Variants in UVRAG observed in about 807,000 individuals in gnomAD.
UVRAG encodes UV radiation resistance associated, also known as UV radiation resistance-associated gene protein.
Under a neutral mutation model 78.0 loss-of-function variants are expected in UVRAG, and 19 were observed. The ratio of observed to expected loss-of-function variants is 0.24; its 90% CI spans 0.17 to 0.36. UVRAG has a LOEUF of 0.36. Among genes scored for constraint, UVRAG ranks in the 10% least tolerant of loss-of-function variants. The pLI, the probability that UVRAG is intolerant of heterozygous loss-of-function variation, is 1.00. For missense variants in UVRAG, 740 were observed against 853.8 expected (o/e 0.87, Z 1.66); for synonymous variants, 323 against 324.6 (o/e 1.00, Z 0.05).
At chr11:75,844,266 C>T (rs889788245) in intron 1 of UVRAG, among the ~76,000 whole-genome samples, 14 of 151,560 alleles carry the variant, frequency 9.2e-5, no homozygotes, top group East Asian at 5.8e-4. Flanking sequence ...CTCACTCTGT[C>T]GCCCAGGCTG....
At chr11:76,074,430 C>A (rs1473920788) in intron 13 of UVRAG, among the ~76,000 whole-genome samples, 4 of 152,162 alleles carry the variant, frequency 2.6e-5, no homozygotes, top group Non-Finnish European at 4.4e-5. Flanking sequence ...TTCCTTGTTG[C>A]TTTTGTAAGC....
intron 5 of UVRAG, among the ~76,000 whole-genome samples, chr11:75,903,625 CTT>C (rs1266502197): frequency 1.3e-5 from 2 of 152,198 alleles, no homozygotes; most frequent in African/African-American, 4.8e-5. Flanking sequence ...CCCCTGCAGT[CTT>C]TGATGTTCCT....
chr11:76,059,908 T>G (rs1298150386), intron 12 of UVRAG, among the ~76,000 whole-genome samples: 1 of 152,196 alleles, frequency 6.6e-6, no homozygotes, highest in Non-Finnish European at 1.5e-5. Context: ...ATGGCAGAAG[T>G]AATCTTAATA....
At chr11:75,967,059 A>G (rs887965925) in intron 7 of UVRAG, among the ~76,000 whole-genome samples, 2 of 152,174 alleles carry the variant, frequency 1.3e-5, no homozygotes, top group Non-Finnish European at 2.9e-5. Context: ...AGCCACAGAA[A>G]AGGGGAATTT....
At chr11:76,115,833 G>A in intron 13 of UVRAG, 91 bp from the exon 14 acceptor site, 2 of 1,122,088 alleles carry the variant, frequency 1.8e-6, no homozygotes, top group Non-Finnish European at 2.6e-6. Context: ...TCCTCTTTTA[G>A]AGTTCAAAAA....
chr11:76,009,801 CATGTA>C (rs1950017844), intron 11 of UVRAG, among the ~76,000 whole-genome samples: 1 of 152,100 alleles, frequency 6.6e-6, no homozygotes, highest in African/African-American at 2.4e-5. Context: ...CTGTATAAAC[CATGTA>C]ATTTGGAACA....
At chr11:75,938,079 G>GTA (rs1453256885) in intron 6 of UVRAG, among the ~76,000 whole-genome samples, 11 of 148,014 alleles carry the variant, frequency 7.4e-5, no homozygotes, top group African/African-American at 1.6e-4. Flanking sequence ...ATATGTATAT[G>GTA]TATATACACA....
chr11:76,079,027 A>G (rs61894369), intron 13 of UVRAG, among the ~76,000 whole-genome samples: 3,225 of 152,276 alleles, frequency 0.021, 50 homozygotes, highest in Middle Eastern at 0.041. Context: ...CTTCTCATCT[A>G]AAGAATCAAA....
chr11:76,125,217 C>T (rs992871971), intron 14 of UVRAG, among the ~76,000 whole-genome samples: 2 of 152,152 alleles, frequency 1.3e-5, no homozygotes, highest in African/African-American at 4.8e-5. Flanking sequence ...CAGATAGGCT[C>T]GCCTTTGAGA....
intron 8 of UVRAG, among the ~76,000 whole-genome samples, chr11:75,991,671 A>G (rs1207886128): frequency 1.3e-5 from 2 of 152,188 alleles, no homozygotes; most frequent in African/African-American, 4.8e-5. Context: ...CTACATTTTT[A>G]TAACTAGCAT....
chr11:76,064,851 A>G (rs779893713), intron 12 of UVRAG, among the ~76,000 whole-genome samples: 7 of 152,226 alleles, frequency 4.6e-5, no homozygotes, highest in Non-Finnish European at 8.8e-5. Context: ...GAATAATTGT[A>G]TATCGCAGAA....
intron 13 of UVRAG, among the ~76,000 whole-genome samples, chr11:76,094,122 G>GT (rs1951748908): frequency 6.6e-6 from 1 of 152,106 alleles, no homozygotes; most frequent in African/African-American, 2.4e-5. Context: ...TAATCATGTG[G>GT]TTTTTGTCTT....
intron 6 of UVRAG, among the ~76,000 whole-genome samples, chr11:75,924,970 A>C (rs1285066496): frequency 7.9e-5 from 12 of 152,254 alleles, no homozygotes. Flanking sequence ...GAATAAAATC[A>C]GCGTAAAGAA....
chr11:76,139,004 CTGTTT>C (rs1210061882), intron 14 of UVRAG, among the ~76,000 whole-genome samples: 3 of 152,172 alleles, frequency 2.0e-5, no homozygotes, highest in African/African-American at 4.8e-5. Context: ...AGATTTTGCC[CTGTTT>C]TGTTTTGTTT....
chr11:75,976,704 G>A (rs532728644), intron 7 of UVRAG, among the ~76,000 whole-genome samples: 3 of 151,990 alleles, frequency 2.0e-5, no homozygotes, highest in East Asian at 3.9e-4. Flanking sequence ...CTGTGGGATC[G>A]GTGGTGATAT....
intron 14 of UVRAG, among the ~76,000 whole-genome samples, chr11:76,128,179 G>A (rs1270495862): frequency 2.0e-5 from 3 of 152,224 alleles, no homozygotes; most frequent in African/African-American, 7.2e-5. Flanking sequence ...TAGAGGATGA[G>A]CGAGTGTTAC....
In UVRAG at chr11:76,141,385, G is replaced by A. The variant is rs569873877; in HGVS notation, c.2072G>A (p.Arg691His). The change falls in exon 15 of 15, where the codon CGC becomes CAC. Residue 691 changes from arginine to histidine, a missense_variant. Arg to His is a conservative substitution (Grantham distance 29). Coordinates refer to ENST00000356136, the MANE Select transcript of UVRAG (RefSeq NM_003369.4). ...CTGAATGAAAACGTATCCAGCTTCC[G>A]CCGGCCGCGCAGGAGTTCCGATAAG... ...YALNENVSSFRRPRRSSDK is the reference protein window; with the variant it reads ...YALNENVSSFHRPRRSSDK The A allele has an allele frequency of 3.7e-6, 6 of 1,613,616 alleles. No individual in the cohort carries two copies. Among genetic ancestry groups the A allele is most frequent in the Admixed American group, 1.7e-5 (1 of 60,024 alleles).
chr11:75,964,016 T>G (rs1948963864), intron 7 of UVRAG, among the ~76,000 whole-genome samples: 1 of 152,116 alleles, frequency 6.6e-6, no homozygotes, highest in South Asian at 2.1e-4. Flanking sequence ...AAATGTATGT[T>G]TTTTCTCTTC....
At chr11:75,820,632 G>T (rs553480492) in intron 1 of UVRAG, among the ~76,000 whole-genome samples, 74 of 152,324 alleles carry the variant, frequency 4.9e-4, no homozygotes, top group Admixed American at 1.4e-3. Flanking sequence ...TGGGATTACA[G>T]GCATGAGCCA....
Sources: gnomAD v4.1 joint callset for allele counts (sites outside exome capture counted in the v4.1 genomes callset) on GRCh38, gnomAD v4.1.1 for gene constraint, MANE v1.5 for transcripts, NCBI Gene and HGNC (gene_info 2026-07-23, HGNC 2026-07-21) for gene names.